The following DAB1 variants were observed in gnomAD, a reference collection of about 807,000 sequenced individuals.
DAB1 encodes disabled homolog 1.
In DAB1, 15 loss-of-function variants were observed where a neutral mutation model predicts 64.6. The observed-to-expected ratio is 0.23, with a 90% CI of 0.16 to 0.36. The LOEUF (loss-of-function observed/expected upper bound fraction) is 0.36, where lower values mean the gene tolerates loss of function less well. DAB1 is among the 10% of genes least tolerant of loss of function. DAB1 has a pLI of 1.00. For synonymous variants in DAB1, 235 were observed against 251.9 expected (o/e 0.93, Z 0.64); for missense variants, 596 against 706.7 (o/e 0.84, Z 1.78).
At chr1:58,395,290 A>G (rs149300807) in intron 3 of DAB1, among the ~76,000 whole-genome samples, 1 of 152,252 alleles carries the variant, frequency 6.6e-6, no homozygotes, top group East Asian at 1.9e-4. Flanking sequence ...TGTTTGAGGA[A>G]CTTTGAGAAA....
intron 9 of DAB1, among the ~76,000 whole-genome samples, chr1:57,058,913 C>G (rs568238270): frequency 6.6e-6 from 1 of 152,298 alleles, no homozygotes; most frequent in East Asian, 1.9e-4. Context: ...TTTTGAGGAA[C>G]TCAAAGTCCA....
chr1:57,695,347 A>G lies in DAB1; in HGVS notation n.552-45682T>C, dbSNP rs1307057283. ...AAGAAAGAAAGAAAGAAAGAAAGAA[A>G]GAAAGAAAAGAAAGAAGAAAGAAAG... is the stretch of plus-strand genomic sequence containing the variant. On this transcript the variant is annotated intron_variant and non_coding_transcript_variant, in intron 6 of 20. Coordinates refer to the DAB1 transcript ENST00000485760. Among the ~76,000 whole-genome samples, 35 of 121,650 alleles carry G rather than the reference A, an allele frequency of 2.9e-4. 2 individuals carry two copies. The highest frequency in any genetic ancestry group is 1.0e-3 in the African/African-American group (33 of 32,988). 79.8% of individuals were successfully genotyped at this position (121,650 alleles called of 152,430 possible). A position where few individuals can be genotyped will look rare whatever the true frequency, so the allele number is the denominator to read the frequency against.
chr1:58,233,879 C>A (rs776570856), intron 4 of DAB1, among the ~76,000 whole-genome samples: 22 of 152,170 alleles, frequency 1.4e-4, no homozygotes, highest in African/African-American at 4.8e-5. Context: ...AGAGTATGAA[C>A]GCCTGAGTGA....
intron 6 of DAB1, among the ~76,000 whole-genome samples, chr1:57,728,417 C>T (rs1647272433): frequency 6.6e-6 from 1 of 152,086 alleles, no homozygotes; most frequent in Non-Finnish European, 1.5e-5. Context: ...CACGGTGAAA[C>T]CCCGGCTCTA....
At chr1:57,344,555 C>T (rs1077425) in intron 1 of DAB1, among the ~76,000 whole-genome samples, 77,588 of 151,636 alleles carry the variant, frequency 0.51, 20,565 homozygotes, top group Non-Finnish European at 0.56. Context: ...TCCCAGCAGC[C>T]TCCCAAATGA....
chr1:57,043,871 G>A (rs887136287), intron 9 of DAB1, among the ~76,000 whole-genome samples: 1 of 151,760 alleles, frequency 6.6e-6, no homozygotes, highest in East Asian at 1.9e-4. Context: ...AATCAGATGA[G>A]GTCTCTTATT....
intron 5 of DAB1, among the ~76,000 whole-genome samples, chr1:57,948,951 T>C (rs1645224793): frequency 6.6e-6 from 1 of 152,200 alleles, no homozygotes; most frequent in South Asian, 2.1e-4. Flanking sequence ...TAATATTTAA[T>C]GCCTACAAAG....
chr1:58,291,736 C>T (rs1661843246), intron 4 of DAB1, among the ~76,000 whole-genome samples: 1 of 152,108 alleles, frequency 6.6e-6, no homozygotes, highest in Non-Finnish European at 1.5e-5. Flanking sequence ...TTGTGGGAAC[C>T]TGGCGGGGGG....
chr1:57,431,794 A>G (rs1447580409), intron 7 of DAB1, among the ~76,000 whole-genome samples: 1 of 152,180 alleles, frequency 6.6e-6, no homozygotes, highest in East Asian at 1.9e-4. Context: ...TTAAGGTGAT[A>G]TTAGTGCCTG....
intron 1 of DAB1, among the ~76,000 whole-genome samples, chr1:57,361,265 C>G (rs982727514): frequency 6.6e-6 from 1 of 152,058 alleles, no homozygotes. Flanking sequence ...CTCAGCATGT[C>G]CCAAGAAGAC....
rs1175021391 is a variant in DAB1 at position 57,695,256 on chromosome 1, AGAAGGAAGGAAG to A, written n.552-45603_552-45592del. On this transcript the variant is annotated intron_variant and non_coding_transcript_variant, in intron 6 of 20. Coordinates refer to the DAB1 transcript ENST00000485760. ...AAGAAAGGAAGAAAGAAAGAAAGAA[AGAAGGAAGGAAG>A]GAAGGAAGGAAGGAAGAAAGGGAGA... Among the ~76,000 whole-genome samples the A allele has an allele frequency of 3.8e-3, 123 of 32,338 alleles. 8 individuals are homozygous for A. The highest frequency in any genetic ancestry group is 0.024 in the African/African-American group (118 of 4,864). The allele number at this position is 32,338 out of a possible 152,430, so 21.2% of individuals were successfully genotyped here.
At position 57,606,795 on chromosome 1, in the gene DAB1, T is replaced by TAGAGAGAG. The variant is rs112310014; in HGVS notation, n.625+42789_625+42796dup. Among the ~76,000 whole-genome samples, 940 of 133,162 alleles carry TAGAGAGAG rather than the reference T, an allele frequency of 7.1e-3. 12 individuals carry two copies. Among genetic ancestry groups the TAGAGAGAG allele is most frequent in the African/African-American group, 0.024 (831 of 35,232 alleles). The allele number at this position is 133,162 out of a possible 152,430, so 87.4% of individuals were successfully genotyped here. On this transcript the variant is annotated intron_variant and non_coding_transcript_variant, in intron 7 of 20. Coordinates refer to the DAB1 transcript ENST00000485760. ...TAAATATATTTTATACATATATATA[T>TAGAGAGAG]AGAGAGAGAGAGAGACAGATTTTCA...
chr1:57,457,113 G>A (rs1364629512), intron 7 of DAB1, among the ~76,000 whole-genome samples: 1 of 149,804 alleles, frequency 6.7e-6, no homozygotes, highest in Non-Finnish European at 1.5e-5. Context: ...GGATCCTGTA[G>A]CAGCAAATCC....
chr1:57,617,378 C>G lies in DAB1; in HGVS notation n.625+32214G>C, dbSNP rs149854903. 1.9e-3 allele frequency among the ~76,000 whole-genome samples: 292 copies of G among 152,146 alleles called. 1 individual carries two copies. Among genetic ancestry groups the G allele is most frequent in the African/African-American group, 6.7e-3 (280 of 41,508 alleles). On this transcript the variant is annotated intron_variant and non_coding_transcript_variant, in intron 7 of 20. Transcript: ENST00000485760. ...CATCCTTGTTTAACTTTCTACTCTG[C>G]CTTCAGCCTGCTTGTCTCTCTCCCC...
At chr1:57,295,910 T>C (rs971136784) in intron 1 of DAB1, among the ~76,000 whole-genome samples, 3 of 152,070 alleles carry the variant, frequency 2.0e-5, no homozygotes, top group Admixed American at 1.3e-4. Context: ...TTCAATTTTA[T>C]GTTAAATGGG....
chr1:57,853,083 G>T (rs896139893), intron 1 of DAB1, among the ~76,000 whole-genome samples: 2 of 152,054 alleles, frequency 1.3e-5, no homozygotes, highest in African/African-American at 2.4e-5. Context: ...GTCACATAGG[G>T]TTAAAAATAA....
At chr1:58,275,193 A>G (rs1053614198) in intron 4 of DAB1, among the ~76,000 whole-genome samples, 1 of 152,246 alleles carries the variant, frequency 6.6e-6, no homozygotes, top group Non-Finnish European at 1.5e-5. Flanking sequence ...AAATGAATCA[A>G]AGATGTAAAT....
At chr1:58,162,844 A>G (rs2100752063) in intron 4 of DAB1, among the ~76,000 whole-genome samples, 1 of 152,286 alleles carries the variant, frequency 6.6e-6, no homozygotes, top group South Asian at 2.1e-4. Flanking sequence ...AAAGTGAAGA[A>G]GTATGTCTAT....
chr1:58,200,249 G>A (rs1475327338), intron 4 of DAB1, among the ~76,000 whole-genome samples: 2 of 152,032 alleles, frequency 1.3e-5, no homozygotes, highest in Non-Finnish European at 2.9e-5. Flanking sequence ...AGCACTTAAG[G>A]AACACCAAGT....
Sources: gnomAD v4.1 joint callset for allele counts (sites outside exome capture counted in the v4.1 genomes callset) on GRCh38, gnomAD v4.1.1 for gene constraint, MANE v1.5 for transcripts, NCBI Gene and HGNC (gene_info 2026-07-23, HGNC 2026-07-21) for gene names.